FANCB: variants seen among roughly 807,000 people sequenced by gnomAD.
FANCB encodes FA complementation group B, also known as Fanconi anemia group B protein.
In FANCB, 5 loss-of-function variants were observed where a neutral mutation model predicts 38.9. The observed-to-expected ratio is 0.13, with a 90% CI of 0.07 to 0.27. FANCB has a LOEUF of 0.27. FANCB is among the 10% of genes least tolerant of loss of function. The probability of loss-of-function intolerance (pLI) is 1.00; values close to 1 mark genes in which losing one functional copy is unlikely to be tolerated. For missense variants in FANCB, 573 were observed against 602.7 expected (o/e 0.95, Z 0.52); for synonymous variants, 236 against 215.4 (o/e 1.10, Z -0.84).
chrX:14,780,767 T>C, the FANCB span, among the ~76,000 whole-genome samples: 1 of 110,350 alleles, frequency 9.1e-6, no homozygotes, highest in African/African-American at 3.4e-5. Flanking sequence ...TGAAGTTTGA[T>C]TTTCATATAA....
intron 7 of FANCB, among the ~76,000 whole-genome samples, chrX:14,850,078 G>A (rs1030088856): frequency 5.3e-5 from 6 of 112,456 alleles, no homozygotes; most frequent in African/African-American, 1.9e-4. Context: ...GGCCAGGCAT[G>A]GTGGCTCATG....
the FANCB span, among the ~76,000 whole-genome samples, chrX:14,710,787 T>G: frequency 8.9e-6 from 1 of 111,798 alleles, no homozygotes; most frequent in Non-Finnish European, 1.9e-5. Context: ...GCACCTTCAA[T>G]GTGGTTTACC....
the FANCB span, among the ~76,000 whole-genome samples, chrX:14,803,554 A>C: frequency 4.5e-5 from 5 of 112,264 alleles, no homozygotes; most frequent in Non-Finnish European, 9.4e-5. Flanking sequence ...AATGATCCCC[A>C]TGTGTTTCTT....
At chrX:14,854,293 CTA>C (rs1048203114) in intron 5 of FANCB, among the ~76,000 whole-genome samples, 2 of 111,366 alleles carry the variant, frequency 1.8e-5, no homozygotes, top group African/African-American at 6.5e-5. Flanking sequence ...GAAGAAAAAA[CTA>C]TGTGGGCAGA....
chrX:14,821,140 A>G, the FANCB span, among the ~76,000 whole-genome samples: 2 of 111,402 alleles, frequency 1.8e-5, no homozygotes, highest in Non-Finnish European at 3.8e-5. Flanking sequence ...TTTTTGCTAT[A>G]AAGATAAAAG....
chrX:14,737,643 G>A, the FANCB span, among the ~76,000 whole-genome samples: 14 of 111,874 alleles, frequency 1.3e-4, no homozygotes, highest in Non-Finnish European at 1.7e-4. Context: ...AAAGCCATTC[G>A]CATGGTGTCT....
At chrX:14,764,010 T>C in the FANCB span, among the ~76,000 whole-genome samples, 3 of 111,759 alleles carry the variant, frequency 2.7e-5, no homozygotes, top group Non-Finnish European at 3.8e-5. Flanking sequence ...GTGCAAAAGA[T>C]AGAAGGGTAA....
chrX:14,704,804 T>G, the FANCB span, among the ~76,000 whole-genome samples: 1 of 112,150 alleles, frequency 8.9e-6, no homozygotes, highest in Non-Finnish European at 1.9e-5. Context: ...AGTGTTTTGT[T>G]TTAGATAAGG....
chrX:14,791,798 T>C, the FANCB span, among the ~76,000 whole-genome samples: 2 of 112,466 alleles, frequency 1.8e-5, no homozygotes, highest in Admixed American at 9.4e-5. Context: ...TTGTTCTCTA[T>C]GTTCATTATA....
rs140773512 is a variant in FANCB, at chrX:14,850,628, T to C, written c.1373A>G (p.His458Arg). Reference protein sequence around the residue: ...PLCGEEENSVHILDEKLSDNF... With the variant: ...PLCGEEENSVRILDEKLSDNF... ...GTCTGATAACTTTTCATCTAAGATATGGACAGAATTTTCTTCTTCACCACA... is the reference window on the plus strand; with the variant it reads ...GTCTGATAACTTTTCATCTAAGATACGGACAGAATTTTCTTCTTCACCACA... The change falls in exon 7 of 10, where the codon CAT becomes CGT. Residue 458 changes from histidine to arginine, a missense_variant. Physicochemically the swap from His to Arg is conservative, Grantham distance 29. Coordinates refer to ENST00000650831, the MANE Select transcript of FANCB (RefSeq NM_001018113.3). 8 of 1,190,237 alleles carry C rather than the reference T, an allele frequency of 6.7e-6. No individual in the cohort carries two copies. In the African/African-American group the frequency reaches 1.1e-4, roughly 16 times the overall value.
At chrX:14,716,707 C>A in the FANCB span, among the ~76,000 whole-genome samples, 1 of 111,316 alleles carries the variant, frequency 9.0e-6, no homozygotes, top group Non-Finnish European at 1.9e-5. Flanking sequence ...CTCTGGTGAG[C>A]AAAGATAATA....
At chrX:14,840,630 C>A (rs1244141051), downstream of FANCB, among the ~76,000 whole-genome samples, 1 of 112,329 alleles carries the variant, frequency 8.9e-6, no homozygotes, top group Non-Finnish European at 1.9e-5. Flanking sequence ...TCCTGACTGA[C>A]CTGCTATCTA....
At chrX:14,830,439 T>TTA in the FANCB span, among the ~76,000 whole-genome samples, 3 of 111,856 alleles carry the variant, frequency 2.7e-5, no homozygotes, top group African/African-American at 9.7e-5. Flanking sequence ...GGTATGCCAG[T>TTA]TATATACATG....
At chrX:14,699,659 A>G in the FANCB span, among the ~76,000 whole-genome samples, 1 of 111,885 alleles carries the variant, frequency 8.9e-6, no homozygotes, top group African/African-American at 3.3e-5. Flanking sequence ...ATAGAAGACC[A>G]GAACTTATTC....
At chrX:14,741,549 C>T in the FANCB span, among the ~76,000 whole-genome samples, 1 of 111,576 alleles carries the variant, frequency 9.0e-6, no homozygotes, top group East Asian at 2.8e-4. Flanking sequence ...CTACTGACTC[C>T]CTGGCACAAG....
the FANCB span, among the ~76,000 whole-genome samples, chrX:14,715,643 G>A: frequency 1.3e-4 from 14 of 111,681 alleles, no homozygotes; most frequent in African/African-American, 3.6e-4. Flanking sequence ...ATAGAATAAT[G>A]GCAGAGTAGA....
the FANCB span, among the ~76,000 whole-genome samples, chrX:14,745,169 T>C: frequency 6.3e-5 from 7 of 111,667 alleles, no homozygotes; most frequent in Non-Finnish European, 1.1e-4. Flanking sequence ...CTTCCCCCTG[T>C]TAAAAGATAA....
the FANCB span, among the ~76,000 whole-genome samples, chrX:14,734,180 T>TA: frequency 8.9e-6 from 1 of 112,264 alleles, no homozygotes; most frequent in Non-Finnish European, 1.9e-5. Flanking sequence ...CAAAGCCAGT[T>TA]AGTCCTCATA....
intron 7 of FANCB, among the ~76,000 whole-genome samples, chrX:14,848,230 G>C (rs1351762194): frequency 8.9e-6 from 1 of 112,044 alleles, no homozygotes; most frequent in East Asian, 2.8e-4. Flanking sequence ...TAAAGACAAT[G>C]CCAGGTTGGA....
Sources: gnomAD v4.1 joint callset for allele counts (sites outside exome capture counted in the v4.1 genomes callset) on GRCh38, gnomAD v4.1.1 for gene constraint, MANE v1.5 for transcripts, NCBI Gene and HGNC (gene_info 2026-07-23, HGNC 2026-07-21) for gene names.